STARD9: variants seen among roughly 807,000 people sequenced by gnomAD.
STARD9 encodes StAR related lipid transfer domain containing 9, also known as stAR-related lipid transfer protein 9.
A neutral mutation model predicts 399.8 loss-of-function variants in STARD9; 346 were observed. That is an observed-to-expected ratio of 0.87 (90% CI 0.79 to 0.95). The LOEUF (loss-of-function observed/expected upper bound fraction) is 0.95. Ranked by LOEUF, STARD9 falls within the 40% of genes least tolerant of loss-of-function variation. The pLI, the probability that STARD9 is intolerant of heterozygous loss-of-function variation, is 0.00. For missense variants in STARD9, 5,832 were observed against 5,667.5 expected (o/e 1.03, Z -0.93); for synonymous variants, 2,203 against 2,143.5 (o/e 1.03, Z -0.77).
At position 42,692,559 on chromosome 15, in the gene STARD9, C is replaced by T. The variant is rs759654584; in HGVS notation, c.10981C>T (p.Pro3661Ser). 194 of 1,537,094 alleles carry T rather than the reference C, an allele frequency of 1.3e-4. No individual in the cohort carries two copies. Among genetic ancestry groups the T allele is most frequent in the Non-Finnish European group, 1.6e-4 (189 of 1,146,924 alleles). ...WSSTDISFAQ[P>S]EASAVSAFDL... ...CAGCACTGACATCTCCTTTGCTCAG[C>T]CTGAAGCCAGTGCAGTATCAGCCTT... Residue 3661 changes from proline (P) to serine (S), a missense_variant, in exon 23 of 33, where the codon CCT becomes TCT. Around this residue, in one of 2 missense-constraint regions of STARD9, gnomAD observed 5,828 missense variants for 5,651.1 expected, o/e 1.03. Transcript: ENST00000290607.
At chr15:42,665,442 C>G (rs999049405) in intron 14 of STARD9, 112 bp downstream of exon 14, 23 of 841,044 alleles carry the variant, frequency 2.7e-5, no homozygotes, top group Non-Finnish European at 4.1e-5. Context: ...AATTGACTCT[C>G]TTACGGCAGA....
chr15:42,621,947 A>G (rs1340047900), intron 3 of STARD9, among the ~76,000 whole-genome samples: 3 of 152,202 alleles, frequency 2.0e-5, no homozygotes, highest in Non-Finnish European at 4.4e-5. Flanking sequence ...ATACATTTTC[A>G]TATATATACA....
rs528417713 is a variant in STARD9 at position 42,684,507 on chromosome 15, G to A, written c.2929G>A (p.Ala977Thr). ...CACCTCTACTACCCAGACCAGAGGG[G>A]CGAAGGGACTAGCAGACCCTAGCCA... ...IFTSTTQTRG[A>T]KGLADPSHTQ... Residue 977 changes from alanine (A) to threonine (T), a missense_variant, in exon 23 of 33, where the codon GCG becomes ACG. Coordinates refer to ENST00000290607, the MANE Select transcript of STARD9 (RefSeq NM_020759.3). 57 of 1,537,202 alleles carry A rather than the reference G, an allele frequency of 3.7e-5. 2 individuals are homozygous for A. In the South Asian group the frequency reaches 6.7e-4, roughly 18 times the overall value.
rs922107316 is a variant in STARD9 at position 42,687,800 on chromosome 15, T to C, written c.6222T>C (p.Ala2074=). Residue 2074 remains alanine, a synonymous_variant, in exon 23 of 33, where the codon GCT becomes GCC. Coordinates refer to ENST00000290607, the MANE Select transcript of STARD9 (RefSeq NM_020759.3). ...IESKQNKQVH[A]SHTPGTDKEL... is the part of the protein sequence containing the mutation. ...CTAAGCAGAATAAGCAGGTTCATGC[T>C]TCCCACACACCAGGAACCGATAAGG... 3.2e-5 allele frequency: 49 copies of C among 1,537,360 alleles called. No individual in the cohort carries two copies. Among genetic ancestry groups the C allele is most frequent in the Middle Eastern group, 1.7e-4 (1 of 6,016 alleles).
chr15:42,617,585 A>G (rs1293175980), intron 3 of STARD9, among the ~76,000 whole-genome samples: 2 of 152,190 alleles, frequency 1.3e-5, no homozygotes, highest in Non-Finnish European at 2.9e-5. Flanking sequence ...ACAGCTTTCA[A>G]TGGGGGGAAT....
intron 3 of STARD9, among the ~76,000 whole-genome samples, chr15:42,592,611 A>C (rs2058422608): frequency 6.6e-6 from 1 of 151,310 alleles, no homozygotes; most frequent in Non-Finnish European, 1.5e-5. Flanking sequence ...CACCCGGCTA[A>C]TTTTTGTATT....
intron 9 of STARD9, among the ~76,000 whole-genome samples, chr15:42,657,935 G>C (rs2059908339): frequency 6.6e-6 from 1 of 152,162 alleles, no homozygotes. Flanking sequence ...AAAGAACTTT[G>C]ATCTATATTT....
At chr15:42,678,006 T>C (rs1234903564) in intron 20 of STARD9, among the ~76,000 whole-genome samples, 1 of 152,176 alleles carries the variant, frequency 6.6e-6, no homozygotes, top group East Asian at 1.9e-4. Context: ...GTCCTTTCAT[T>C]CAGAGAAGAC....
At chr15:42,698,401 G>A (rs1487063505) in intron 26 of STARD9, among the ~76,000 whole-genome samples, 3 of 152,150 alleles carry the variant, frequency 2.0e-5, no homozygotes, top group African/African-American at 4.8e-5. Context: ...GTTATCAAAT[G>A]TTTAGATTTT....
At chr15:42,718,365 C>A in intron 30 of STARD9, 70 bp from the exon 31 acceptor site, 1 of 1,375,496 alleles carries the variant, frequency 7.3e-7, no homozygotes, top group Non-Finnish European at 1.0e-6. Flanking sequence ...GGAGGGCTCC[C>A]TGACCAGGAA....
intron 26 of STARD9, among the ~76,000 whole-genome samples, chr15:42,714,119 G>T (rs1337021786): frequency 3.4e-5 from 5 of 147,468 alleles, no homozygotes; most frequent in Non-Finnish European, 7.4e-5. Flanking sequence ...CTGGAGGGCA[G>T]TGGTGCGATC....
intron 26 of STARD9, among the ~76,000 whole-genome samples, chr15:42,702,032 A>G (rs2140339112): frequency 6.8e-6 from 1 of 147,552 alleles, no homozygotes; most frequent in Admixed American, 6.8e-5. Context: ...ATGCATGACC[A>G]TGACCTGATG....
chr15:42,646,191 T>C (rs1464361956), intron 7 of STARD9, among the ~76,000 whole-genome samples: 1 of 151,878 alleles, frequency 6.6e-6, no homozygotes, highest in Non-Finnish European at 1.5e-5. Context: ...ATAATAATGA[T>C]AATAATAATA....
chr15:42,706,370 A>G (rs1343916084), intron 26 of STARD9, among the ~76,000 whole-genome samples: 1 of 151,768 alleles, frequency 6.6e-6, no homozygotes, highest in Non-Finnish European at 1.5e-5. Flanking sequence ...ATTTCTGTGA[A>G]TTAATTTTGC....
In STARD9 at chr15:42,695,313, A is replaced by G; in HGVS notation, c.13136A>G (p.Gln4379Arg). ...KLRIHQKIIS[Q>R]LLKEEDKLHT... ...AGAATCCACCAGAAGATCATTTCCC[A>G]GCTATTGAAGGTGTGGAGTGGGGCA... Residue 4379 changes from glutamine to arginine, a missense_variant, in exon 25 of 33, where the codon CAG (glutamine) becomes CGG (arginine). Physicochemically the swap from Gln to Arg is conservative, Grantham distance 43. Around this residue, in one of 2 missense-constraint regions of STARD9, gnomAD observed 5,828 missense variants for 5,651.1 expected, o/e 1.03. Coordinates refer to ENST00000290607, the MANE Select transcript of STARD9 (RefSeq NM_020759.3). 1 of 1,533,334 alleles carries G rather than the reference A, an allele frequency of 6.5e-7. No individual in the cohort carries two copies. Among genetic ancestry groups the G allele is most frequent in the Non-Finnish European group, 8.7e-7 (1 of 1,144,422 alleles). 95.0% of individuals were successfully genotyped at this position (1,533,334 alleles called of 1,614,324 possible).
chr15:42,651,982 C>T (rs762820864), intron 8 of STARD9, among the ~76,000 whole-genome samples: 4 of 152,126 alleles, frequency 2.6e-5, no homozygotes, highest in African/African-American at 4.8e-5. Context: ...CTGTGAATTC[C>T]GCCTGGCTTA....
At chr15:42,683,016 G>A (rs977799493) in intron 22 of STARD9, among the ~76,000 whole-genome samples, 1 of 152,112 alleles carries the variant, frequency 6.6e-6, no homozygotes, top group African/African-American at 2.4e-5. Context: ...CCTCCCACCT[G>A]GTGACTGAGC....
intron 3 of STARD9, among the ~76,000 whole-genome samples, 183 bp downstream of exon 3, chr15:42,585,820 A>G (rs1358702059): frequency 6.6e-6 from 1 of 152,254 alleles, no homozygotes; most frequent in Non-Finnish European, 1.5e-5. Context: ...AAGAAACTTC[A>G]ATACATCAAG....
chr15:42,718,726 G>A (rs2061397087), intron 31 of STARD9, 26 bp from the exon 32 acceptor site: 1 of 1,536,200 alleles, frequency 6.5e-7, no homozygotes, highest in African/African-American at 1.4e-5. Context: ...TACACAGGCA[G>A]GACTCCCATT....
Sources: gnomAD v4.1 joint callset for allele counts (sites outside exome capture counted in the v4.1 genomes callset) on GRCh38, gnomAD v4.1.1 for gene constraint, gnomAD v4.1.1 regional missense constraint, MANE v1.5 for transcripts, NCBI Gene and HGNC (gene_info 2026-07-23, HGNC 2026-07-21) for gene names.